The following LARS2 variants were observed in gnomAD, a reference collection of about 807,000 sequenced individuals.
LARS2 encodes the protein leucyl-tRNA synthetase 2, mitochondrial.
Under a neutral mutation model 116.6 loss-of-function variants are expected in LARS2, and 81 were observed. That is an observed-to-expected ratio of 0.69 (90% CI 0.58 to 0.84). The LOEUF is 0.84. LARS2 is among the 40% of genes least tolerant of loss of function. LARS2 has a pLI of 0.00. For synonymous variants in LARS2, 396 were observed against 407.2 expected (o/e 0.97, Z 0.33); for missense variants, 968 against 1,114.5 (o/e 0.87, Z 1.87).
intron 2 of LARS2, among the ~76,000 whole-genome samples, chr3:45,393,696 C>T (rs887989332): frequency 5.3e-5 from 8 of 152,114 alleles, no homozygotes; most frequent in African/African-American, 1.4e-4. Context: ...TGGTGGCTCA[C>T]GCCTGTAATC....
At chr3:45,432,819 A>G (rs1445456810) in intron 6 of LARS2, among the ~76,000 whole-genome samples, 1 of 152,050 alleles carries the variant, frequency 6.6e-6, no homozygotes, top group African/African-American at 2.4e-5. Flanking sequence ...AGAGAAAATT[A>G]ATGAAACTGA....
chr3:45,444,585 A>C, intron 6 of LARS2, among the ~76,000 whole-genome samples: 7 of 131,838 alleles, frequency 5.3e-5, no homozygotes, highest in East Asian at 4.7e-4. Context: ...AATGGCGTGA[A>C]CCCGGGAGGC....
chr3:45,547,830 C>G lies in LARS2; in HGVS notation c.*300C>G. The G allele has an allele frequency of 3.6e-6, 1 of 277,610 alleles. No homozygotes were observed. Among genetic ancestry groups the G allele is most frequent in the Non-Finnish European group, 6.7e-6 (1 of 148,722 alleles). 17.2% of individuals were successfully genotyped at this position (277,610 alleles called of 1,614,324 possible). The stretch of plus-strand genomic sequence containing the variant: ...GCCATCTGATCCCATGGGAAGCCAT[C>G]AGAGACACTGCTGGTGGGAGCAGGA... On this transcript the variant is annotated 3_prime_UTR_variant, in exon 22 of 22. Coordinates refer to ENST00000645846, the MANE Select transcript of LARS2 (RefSeq NM_015340.4).
chr3:45,546,343 C>A (rs1700875700), intron 21 of LARS2, among the ~76,000 whole-genome samples: 1 of 152,160 alleles, frequency 6.6e-6, no homozygotes, highest in East Asian at 1.9e-4. Flanking sequence ...CACTTAGTTC[C>A]CCAGCTTCAG....
At chr3:45,522,263 C>T (rs748264740) in intron 19 of LARS2, among the ~76,000 whole-genome samples, 2 of 152,180 alleles carry the variant, frequency 1.3e-5, no homozygotes, top group Non-Finnish European at 2.9e-5. Flanking sequence ...CAGGAGTGTT[C>T]ACTGCAGATA....
At chr3:45,428,696 G>A (rs1011125103) in intron 6 of LARS2, among the ~76,000 whole-genome samples, 9 of 152,014 alleles carry the variant, frequency 5.9e-5, no homozygotes, top group Non-Finnish European at 1.2e-4. Flanking sequence ...GTGTTCTTTG[G>A]TGTCTAGCTT....
intron 10 of LARS2, among the ~76,000 whole-genome samples, chr3:45,483,123 A>G (rs9868968): frequency 0.8 from 121,621 of 152,122 alleles, 52,824 homozygotes; most frequent in East Asian, 0.98. Context: ...TAGAAGAGGA[A>G]GCAGGTACAG....
chr3:45,441,114 C>T (rs1408392041), intron 6 of LARS2, among the ~76,000 whole-genome samples: 2 of 151,680 alleles, frequency 1.3e-5, no homozygotes. Flanking sequence ...CAACCTCCAC[C>T]TCCAGGTTCA....
intron 6 of LARS2, among the ~76,000 whole-genome samples, chr3:45,434,795 C>T (rs1698773530): frequency 6.6e-6 from 1 of 152,136 alleles, no homozygotes; most frequent in African/African-American, 2.4e-5. Flanking sequence ...GGGATCTCCA[C>T]ATGTTCATCA....
chr3:45,430,893 A>G (rs1405440522), intron 6 of LARS2, among the ~76,000 whole-genome samples: 2 of 151,972 alleles, frequency 1.3e-5, no homozygotes, highest in African/African-American at 4.8e-5. Flanking sequence ...CCCAATTTTT[A>G]TTTTTTAATG....
chr3:45,464,845 G>A (rs1469281909), intron 8 of LARS2, among the ~76,000 whole-genome samples: 1 of 152,160 alleles, frequency 6.6e-6, no homozygotes, highest in Non-Finnish European at 1.5e-5. Context: ...CCAGGGCTGG[G>A]ATTTGGTGAT....
intron 8 of LARS2, among the ~76,000 whole-genome samples, chr3:45,473,888 T>C (rs1235648068): frequency 6.6e-6 from 1 of 152,240 alleles, no homozygotes; most frequent in Non-Finnish European, 1.5e-5. Context: ...GTTTCAAAAT[T>C]CATAAACTTG....
At chr3:45,446,131 T>G (rs1699013999) in intron 6 of LARS2, among the ~76,000 whole-genome samples, 1 of 152,320 alleles carries the variant, frequency 6.6e-6, no homozygotes, top group East Asian at 1.9e-4. Context: ...CCTCCCATCA[T>G]TCATTTCTGC....
intron 6 of LARS2, among the ~76,000 whole-genome samples, chr3:45,430,863 G>A (rs894566466): frequency 1.3e-5 from 2 of 152,110 alleles, no homozygotes; most frequent in South Asian, 2.1e-4. Context: ...GGGATTATAG[G>A]CTTGAGCCAC....
intron 7 of LARS2, among the ~76,000 whole-genome samples, chr3:45,457,729 G>A (rs1223417987): frequency 2.0e-5 from 3 of 152,120 alleles, no homozygotes. Flanking sequence ...GATATTTTAA[G>A]TCCCCAACAC....
intron 4 of LARS2, among the ~76,000 whole-genome samples, chr3:45,404,294 A>G (rs1481582243): frequency 1.3e-5 from 2 of 152,208 alleles, no homozygotes; most frequent in Admixed American, 6.5e-5. Context: ...ATTAATTTTC[A>G]TAGTTCATAT....
intron 19 of LARS2, among the ~76,000 whole-genome samples, chr3:45,522,796 A>G (rs113198230): frequency 0.048 from 7,317 of 152,252 alleles, 186 homozygotes; most frequent in Middle Eastern, 0.085. Flanking sequence ...TCACACATGT[A>G]ATCCTAGCAT....
intron 4 of LARS2, among the ~76,000 whole-genome samples, chr3:45,417,098 A>G (rs573604324): frequency 2.0e-5 from 3 of 150,522 alleles, no homozygotes; most frequent in African/African-American, 7.3e-5. Flanking sequence ...AAAAAAAAAA[A>G]CTGACATGAC....
chr3:45,537,858 G>A (rs890956190), intron 20 of LARS2, among the ~76,000 whole-genome samples: 2 of 152,162 alleles, frequency 1.3e-5, no homozygotes, highest in African/African-American at 4.8e-5. Context: ...GAGGAGGCTT[G>A]TTTCGGTTAT....
Sources: gnomAD v4.1 joint callset for allele counts (sites outside exome capture counted in the v4.1 genomes callset) on GRCh38, gnomAD v4.1.1 for gene constraint, MANE v1.5 for transcripts, NCBI Gene and HGNC (gene_info 2026-07-23, HGNC 2026-07-21) for gene names.